The following GNB1L variants were observed in gnomAD, a reference collection of about 807,000 sequenced individuals.
The protein encoded by GNB1L is G protein subunit beta 1 like, also known as guanine nucleotide-binding protein subunit beta-like protein 1.
A neutral mutation model predicts 29.1 loss-of-function variants in GNB1L; 20 were observed. That is an observed-to-expected ratio of 0.69 (90% CI 0.48 to 1.00). GNB1L has a LOEUF of 1.00. GNB1L is among the 50% of genes least tolerant of loss of function. The probability of loss-of-function intolerance (pLI) is 0.00; values close to 1 mark genes in which losing one functional copy is unlikely to be tolerated. For missense variants in GNB1L, 421 were observed against 464.9 expected (o/e 0.91, Z 0.87); for synonymous variants, 193 against 206.5 (o/e 0.93, Z 0.56).
intron 2 of GNB1L, among the ~76,000 whole-genome samples, chr22:19,829,789 C>A (rs1937654436): frequency 1.3e-5 from 2 of 152,060 alleles, no homozygotes; most frequent in Non-Finnish European, 2.9e-5. Flanking sequence ...ATATTCAATG[C>A]CCATTTTTTA....
intron 2 of GNB1L, among the ~76,000 whole-genome samples, chr22:19,822,543 C>G (rs1189510188): frequency 2.6e-5 from 4 of 152,172 alleles, no homozygotes; most frequent in Admixed American, 2.6e-4. Context: ...GCTAAGGGCT[C>G]AGAGGGAAAG....
At chr22:19,793,088 G>C in intron 7 of GNB1L, 1 of 1,542,124 alleles carries the variant, frequency 6.5e-7, no homozygotes, top group Non-Finnish European at 8.8e-7. Context: ...CCACTAAACT[G>C]GGTTAAATGT....
intron 7 of GNB1L, among the ~76,000 whole-genome samples, chr22:19,800,985 G>A (rs1417990825): frequency 3.3e-5 from 5 of 152,192 alleles, no homozygotes; most frequent in African/African-American, 1.2e-4. Flanking sequence ...CTGGGGCTGC[G>A]GGCAAGTCTG....
chr22:19,851,703 C>A (rs1450239454), intron 2 of GNB1L: 1 of 1,602,126 alleles, frequency 6.2e-7, no homozygotes, highest in African/African-American at 1.3e-5. Flanking sequence ...GCATGGTACT[C>A]AGCAAAACTG....
At chr22:19,823,734 C>T (rs1427147874) in intron 2 of GNB1L, among the ~76,000 whole-genome samples, 1 of 152,140 alleles carries the variant, frequency 6.6e-6, no homozygotes, top group Non-Finnish European at 1.5e-5. Flanking sequence ...ACATGGTGCA[C>T]ACAGACACAT....
intron 2 of GNB1L, among the ~76,000 whole-genome samples, chr22:19,830,158 C>T (rs1194622179): frequency 2.6e-5 from 4 of 152,106 alleles, no homozygotes; most frequent in African/African-American, 9.7e-5. Flanking sequence ...TATGATCACA[C>T]CTGTGACTAG....
intron 2 of GNB1L, among the ~76,000 whole-genome samples, chr22:19,824,770 G>A (rs1009761758): frequency 2.0e-5 from 3 of 152,348 alleles, no homozygotes; most frequent in Middle Eastern, 6.8e-3. Flanking sequence ...GCCTGCAAAT[G>A]TCCTGCTGGC....
intron 5 of GNB1L, among the ~76,000 whole-genome samples, chr22:19,808,833 T>A (rs540460713): frequency 1.2e-3 from 185 of 152,344 alleles, no homozygotes; most frequent in African/African-American, 4.2e-3. Context: ...TGATCCCAGC[T>A]AAGGGAGCAG....
At chr22:19,818,798 C>A (rs532303154) in intron 4 of GNB1L, among the ~76,000 whole-genome samples, 1 of 152,186 alleles carries the variant, frequency 6.6e-6, no homozygotes, top group African/African-American at 2.4e-5. Flanking sequence ...GCTCAGGATT[C>A]CTGGGCTGGT....
intron 5 of GNB1L, among the ~76,000 whole-genome samples, chr22:19,809,508 G>A (rs985702489): frequency 2.0e-5 from 3 of 152,152 alleles, no homozygotes; most frequent in Non-Finnish European, 2.9e-5. Context: ...TTGCAATAAG[G>A]CAAGGGTCTA....
At chr22:19,847,256 T>G in intron 2 of GNB1L, 1 of 985,330 alleles carries the variant, frequency 1.0e-6, no homozygotes, top group Non-Finnish European at 1.2e-6. Context: ...AAATAAGCAG[T>G]GCCAACTGTA....
intron 4 of GNB1L, among the ~76,000 whole-genome samples, chr22:19,820,107 C>T (rs1026162360): frequency 2.0e-5 from 3 of 152,172 alleles, no homozygotes; most frequent in Non-Finnish European, 2.9e-5. Context: ...CGTGTGTGAC[C>T]TGCCATGCTC....
chr22:19,823,938 G>A (rs1937599302), intron 2 of GNB1L, among the ~76,000 whole-genome samples: 1 of 152,216 alleles, frequency 6.6e-6, no homozygotes, highest in African/African-American at 2.4e-5. Flanking sequence ...AGACAGCACG[G>A]CGGCCTTGGG....
intron 2 of GNB1L, chr22:19,850,430 G>A (rs376575551): frequency 4.0e-6 from 4 of 993,976 alleles, no homozygotes; most frequent in African/African-American, 3.5e-5. Flanking sequence ...CAGCAGCAGG[G>A]AAGAGGAGCC....
intron 2 of GNB1L, among the ~76,000 whole-genome samples, chr22:19,825,661 T>G (rs933218681): frequency 2.0e-4 from 30 of 148,634 alleles, no homozygotes; most frequent in African/African-American, 7.5e-4. Flanking sequence ...TTTAAAAAAT[T>G]TTTTTAAACA....
chr22:19,849,315 AC>A (rs1320788100), intron 2 of GNB1L: 17 of 977,916 alleles, frequency 1.7e-5, no homozygotes, highest in African/African-American at 1.8e-5. Context: ...AGTGATAGTT[AC>A]CATAAAATAA....
At chr22:19,821,460 A>C in intron 2 of GNB1L, 85 bp from the exon 3 acceptor site, 1 of 1,310,948 alleles carries the variant, frequency 7.6e-7, no homozygotes, top group Non-Finnish European at 1.1e-6. Context: ...GGTGCTTGAG[A>C]TGTTGCCCCT....
intron 2 of GNB1L, among the ~76,000 whole-genome samples, chr22:19,841,172 C>T (rs79300543): frequency 2.0e-4 from 31 of 152,258 alleles, no homozygotes; most frequent in East Asian, 7.7e-4. Context: ...ATTAGTCATG[C>T]GCAGAGCAAG....
Position 19,820,651 on chromosome 22 carries a change from G to A in GNB1L, c.201C>T (p.Gly67=), listed in dbSNP as rs138999281. ...RRAVTTLDGH[G]GQCVTWLQTL... ...TCTGCAGCCAGGTCACACACTGGCC[G>A]CCGTGGCCATCCAGGGTGGTAACCG... The change falls in exon 4 of 8, where the codon GGC becomes GGT. Residue 67 remains glycine (G), a synonymous_variant. Transcript: ENST00000329517. 1.2e-4 allele frequency: 191 copies of A among 1,613,292 alleles called. 1 individual carries two copies. Among genetic ancestry groups the A allele is most frequent in the Middle Eastern group, 1.7e-4 (1 of 6,050 alleles).
Sources: gnomAD v4.1 joint callset for allele counts (sites outside exome capture counted in the v4.1 genomes callset) on GRCh38, gnomAD v4.1.1 for gene constraint, MANE v1.5 for transcripts, NCBI Gene and HGNC (gene_info 2026-07-23, HGNC 2026-07-21) for gene names.